The following GMEB1 variants were observed in gnomAD, a reference collection of about 807,000 sequenced individuals.
GMEB1 encodes the protein glucocorticoid modulatory element-binding protein 1.
In GMEB1, 6 loss-of-function variants were observed where a neutral mutation model predicts 52.4. That is an observed-to-expected ratio of 0.11 (90% CI 0.06 to 0.23). The LOEUF is 0.23. Among genes scored for constraint, GMEB1 ranks in the 10% least tolerant of loss-of-function variants. GMEB1 has a pLI of 1.00. For missense variants in GMEB1, 486 were observed against 685.6 expected, an observed-to-expected ratio of 0.71 and a Z score of 3.25; for synonymous variants, 255 against 244.9, an observed-to-expected ratio of 1.04 and a Z score of -0.38.
intron 8 of GMEB1, among the ~76,000 whole-genome samples, chr1:28,706,628 A>T (rs370421259): frequency 6.6e-6 from 1 of 151,386 alleles, no homozygotes; most frequent in East Asian, 2.0e-4. Context: ...TGGGATTATG[A>T]TGAGATGAGA....
chr1:28,687,214 G>A (rs1669686023), intron 2 of GMEB1, among the ~76,000 whole-genome samples: 1 of 151,430 alleles, frequency 6.6e-6, no homozygotes, highest in South Asian at 2.1e-4. Context: ...GCATATGCCT[G>A]TAGTCCCAGC....
chr1:28,678,493 T>G (rs1335391915), intron 1 of GMEB1, among the ~76,000 whole-genome samples: 2 of 152,084 alleles, frequency 1.3e-5, no homozygotes, highest in Non-Finnish European at 2.9e-5. Context: ...GTATTTTTAG[T>G]AGAGATGGGG....
intron 2 of GMEB1, 141 bp downstream of exon 2, chr1:28,683,881 T>C: frequency 4.4e-6 from 3 of 686,188 alleles, no homozygotes; most frequent in Non-Finnish European, 7.2e-6. Context: ...TATAATATAC[T>C]GTATTGCGTG....
chr1:28,681,552 A>C (rs1669388431), intron 1 of GMEB1, among the ~76,000 whole-genome samples: 1 of 152,116 alleles, frequency 6.6e-6, no homozygotes, highest in Admixed American at 6.6e-5. Context: ...TGGTATTAGG[A>C]CTTAAGATTC....
intron 6 of GMEB1, among the ~76,000 whole-genome samples, chr1:28,700,058 CAAA>C (rs34231884): frequency 6.5e-5 from 4 of 61,130 alleles, no homozygotes; most frequent in African/African-American, 6.7e-5. Flanking sequence ...GACCCTGTCT[CAAA>C]AAAAAAAAAA....
chr1:28,691,437 T>G, intron 3 of GMEB1, 148 bp from the exon 4 acceptor site: 1 of 405,666 alleles, frequency 2.5e-6, no homozygotes, highest in Non-Finnish European at 4.3e-6. Flanking sequence ...AGATAGCTCT[T>G]AGGCCAAACT....
At chr1:28,712,156 A>G (rs911822533) in intron 9 of GMEB1, among the ~76,000 whole-genome samples, 10 of 152,148 alleles carry the variant, frequency 6.6e-5, no homozygotes, top group Non-Finnish European at 2.9e-5. Flanking sequence ...CTCAATGTTT[A>G]TTGGGTTTAT....
At chr1:28,698,248 A>G (rs1670320377) in intron 6 of GMEB1, among the ~76,000 whole-genome samples, 1 of 152,082 alleles carries the variant, frequency 6.6e-6, no homozygotes, top group African/African-American at 2.4e-5. Context: ...GTGCACCTGT[A>G]GTCCCAGCTA....
intron 1 of GMEB1, among the ~76,000 whole-genome samples, chr1:28,682,986 A>G (rs1193011674): frequency 1.3e-5 from 2 of 152,028 alleles, no homozygotes; most frequent in Non-Finnish European, 2.9e-5. Context: ...GTTGGAAGAG[A>G]TATGTGTGCA....
chr1:28,688,389 AG>A (rs1669792697), intron 2 of GMEB1, among the ~76,000 whole-genome samples: 1 of 152,210 alleles, frequency 6.6e-6, no homozygotes, highest in South Asian at 2.1e-4. Context: ...CTGTGGAGGT[AG>A]TCATTGATAC....
intron 2 of GMEB1, among the ~76,000 whole-genome samples, chr1:28,688,749 A>G (rs1452848238): frequency 6.6e-6 from 1 of 150,462 alleles, no homozygotes; most frequent in African/African-American, 2.4e-5. Context: ...CACCGTTTCC[A>G]GCAAGGGACA....
In GMEB1 at chr1:28,691,661, C is replaced by G; in HGVS notation, c.288C>G (p.Leu96=). ...PITCGESKAI[L]LWKKFVCPGI... ...CTTGTGGGGAGAGCAAAGCCATCCT[C>G]CTCTGGAAGAAGTTTGTATGTCCAG... Residue 96 remains leucine (L), a synonymous_variant, in exon 4 of 10, where the codon CTC becomes CTG. Coordinates refer to ENST00000373816, the MANE Select transcript of GMEB1 (RefSeq NM_001319674.2). The G allele has an allele frequency of 6.3e-7, 1 of 1,581,154 alleles. No homozygotes were observed. The highest frequency in any genetic ancestry group is 2.3e-5 in the East Asian group (1 of 44,016).
intron 2 of GMEB1, among the ~76,000 whole-genome samples, chr1:28,686,661 A>G (rs962692052): frequency 2.6e-5 from 4 of 151,324 alleles, no homozygotes; most frequent in Non-Finnish European, 5.9e-5. Flanking sequence ...CATTATTCAT[A>G]CATGAGAATG....
At position 28,682,426 on chromosome 1, in the gene GMEB1, C is replaced by G. The variant is rs148059956; in HGVS notation, c.-30-1157C>G. 5.7e-3 allele frequency among the ~76,000 whole-genome samples: 862 copies of G among 152,016 alleles called. 13 individuals carry two copies. The highest frequency in any genetic ancestry group is 0.02 in the African/African-American group (823 of 41,452). On this transcript the variant is annotated intron_variant, in intron 1 of 9. Coordinates refer to ENST00000373816, the MANE Select transcript of GMEB1 (RefSeq NM_001319674.2). ...TTTGAGGTTAGGAGTTCAAGACCAG[C>G]CTGGCCAACACGGTGAAATCCCGTC...
intron 3 of GMEB1, among the ~76,000 whole-genome samples, 182 bp downstream of exon 3, chr1:28,690,368 A>G (rs1669905042): frequency 6.6e-6 from 1 of 152,018 alleles, no homozygotes; most frequent in South Asian, 2.1e-4. Context: ...ACCACTGACT[A>G]AGATGCTAGG....
intron 1 of GMEB1, among the ~76,000 whole-genome samples, chr1:28,674,500 T>TA (rs1489301900): frequency 2.6e-5 from 4 of 151,958 alleles, no homozygotes; most frequent in African/African-American, 9.7e-5. Flanking sequence ...GCTCAAGTGA[T>TA]TCTCCTACCT....
chr1:28,692,893 C>A, intron 4 of GMEB1, 49 bp from the exon 5 acceptor site: 1 of 940,280 alleles, frequency 1.1e-6, no homozygotes, highest in Non-Finnish European at 1.7e-6. Flanking sequence ...CCCCTCTTGG[C>A]CTGCCTAAGT....
At chr1:28,675,150 T>G (rs1669092228) in intron 1 of GMEB1, among the ~76,000 whole-genome samples, 1 of 151,354 alleles carries the variant, frequency 6.6e-6, no homozygotes, top group African/African-American at 2.4e-5. Flanking sequence ...CCCAAGTAGC[T>G]GGGACTACAG....
At chr1:28,699,091 G>A (rs1019884094) in intron 6 of GMEB1, among the ~76,000 whole-genome samples, 2 of 152,218 alleles carry the variant, frequency 1.3e-5, no homozygotes, top group Non-Finnish European at 2.9e-5. Context: ...CAAAGACAAT[G>A]TGATTGGCTG....
Sources: allele counts gnomAD v4.1 joint callset (sites outside exome capture counted in the v4.1 genomes callset), GRCh38; gene constraint gnomAD v4.1.1; transcripts MANE v1.5; gene names NCBI Gene and HGNC (gene_info 2026-07-23, HGNC 2026-07-21).